Variants in RNF38 observed in about 807,000 individuals in gnomAD.
RNF38 encodes E3 ubiquitin-protein ligase RNF38.
Under a neutral mutation model 67.2 loss-of-function variants are expected in RNF38, and 15 were observed. That is an observed-to-expected ratio of 0.22 (90% CI 0.15 to 0.34). The LOEUF (loss-of-function observed/expected upper bound fraction) is 0.34, where lower values mean the gene tolerates loss of function less well. Ranked by LOEUF, RNF38 falls within the 10% of genes least tolerant of loss-of-function variation. RNF38 has a pLI of 1.00. For synonymous variants in RNF38, 220 were observed against 218.8 expected (o/e 1.01, Z -0.05); for missense variants, 524 against 639.9 (o/e 0.82, Z 1.95).
intron 1 of RNF38, among the ~76,000 whole-genome samples, chr9:36,456,042 C>T (rs1839588091): frequency 6.6e-6 from 1 of 152,122 alleles, no homozygotes; most frequent in African/African-American, 2.4e-5. Flanking sequence ...GAAGTTCCAC[C>T]TGGATGAATT....
chr9:36,383,305 G>A (rs1167116293), intron 2 of RNF38, among the ~76,000 whole-genome samples: 3 of 152,126 alleles, frequency 2.0e-5, no homozygotes, highest in South Asian at 2.1e-4. Flanking sequence ...GGGTTTAGGC[G>A]ATTCTCCTGC....
Position 36,369,721 on chromosome 9 carries a change from G to C in RNF38, c.568C>G (p.Gln190Glu). ...TCCAAGACATTCTGTTATTGTACCT[G>C]ATCATGTATGTCAACCATGACTGCA... ...QNAVMVDIHD[Q>E]LHQGTVPVSY... Residue 190 changes from glutamine (Q) to glutamate (E), a missense_variant and splice_region_variant, in exon 4 of 12, where the codon CAG becomes GAG. Around this residue, in one of 2 missense-constraint regions of RNF38, gnomAD observed 461 missense variants for 517.4 expected, o/e 0.89. Coordinates refer to ENST00000259605, the MANE Select transcript of RNF38 (RefSeq NM_022781.5). 6.2e-7 allele frequency: 1 copy of C among 1,606,218 alleles called. No homozygotes were observed. The highest frequency in any genetic ancestry group is 8.5e-7 in the Non-Finnish European group (1 of 1,175,216).
chr9:36,473,369 C>T (rs570661718), intron 1 of RNF38, among the ~76,000 whole-genome samples: 1 of 152,166 alleles, frequency 6.6e-6, no homozygotes, highest in African/African-American at 2.4e-5. Context: ...AGGCGGATCA[C>T]CTGAGGTCAG....
At chr9:36,370,769 G>A (rs536268699) in intron 3 of RNF38, among the ~76,000 whole-genome samples, 4 of 152,016 alleles carry the variant, frequency 2.6e-5, no homozygotes, top group East Asian at 3.9e-4. Flanking sequence ...TTAGCCGGGC[G>A]TGGTGGTGTG....
rs370945086 is a variant in RNF38 at position 36,391,751 on chromosome 9, C to T, written c.13-1135G>A. Among the ~76,000 whole-genome samples the T allele has an allele frequency of 7.6e-4, 115 of 151,818 alleles. 2 individuals are homozygous for T. In the South Asian group the frequency reaches 0.022, roughly 29 times the overall value. On this transcript the variant is annotated intron_variant, in intron 1 of 11. Transcript: ENST00000259605. Reference sequence around the variant, plus strand: ...GCCTCAGCCTGCAGAGTAGCTGGGACTACAGGCGCCCGCCACCCCGCCTGG... The same window carrying T: ...GCCTCAGCCTGCAGAGTAGCTGGGATTACAGGCGCCCGCCACCCCGCCTGG...
chr9:36,356,440 C>G lies in RNF38; in HGVS notation c.772G>C (p.Val258Leu). The change falls in exon 6 of 12, where the codon GTA (valine) becomes CTA (leucine). Residue 258 changes from valine (V) to leucine (L), a missense_variant. Transcript: ENST00000259605. ...AGGGGTGGGAATGCAGCATATGGTA[C>G]TGGTAAGTGCTGAACTGAACATGCC... ...LQACSVQHLPVPYAAFPPLIS... is the reference protein window; with the variant it reads ...LQACSVQHLPLPYAAFPPLIS... 1 of 1,612,408 alleles carries G rather than the reference C, an allele frequency of 6.2e-7. No individual in the cohort carries two copies. Among genetic ancestry groups the G allele is most frequent in the Admixed American group, 1.7e-5 (1 of 59,858 alleles).
chr9:36,421,427 G>C (rs966809037), intron 2 of RNF38, among the ~76,000 whole-genome samples: 1 of 152,082 alleles, frequency 6.6e-6, no homozygotes, highest in African/African-American at 2.4e-5. Flanking sequence ...ACTTTGGGAG[G>C]CTGAGGTGGG....
At chr9:36,427,320 C>G (rs903576867) in intron 1 of RNF38, among the ~76,000 whole-genome samples, 1 of 152,176 alleles carries the variant, frequency 6.6e-6, no homozygotes, top group African/African-American at 2.4e-5. Flanking sequence ...CTTTCCTAGT[C>G]TACACTTCCA....
intron 7 of RNF38, 92 bp from the exon 8 acceptor site, chr9:36,352,940 G>GTA (rs1170714424): frequency 1.0e-6 from 1 of 957,362 alleles, no homozygotes; most frequent in African/African-American, 1.7e-5. Flanking sequence ...GACTTAAACA[G>GTA]TAAAGTTCTT....
intron 1 of RNF38, among the ~76,000 whole-genome samples, chr9:36,444,800 T>A (rs1255683828): frequency 1.3e-5 from 2 of 151,754 alleles, no homozygotes; most frequent in Non-Finnish European, 2.9e-5. Context: ...AAACCCTGTC[T>A]CAAAAAAAGA....
At chr9:36,481,462 A>C (rs530948527) in intron 1 of RNF38, among the ~76,000 whole-genome samples, 3 of 152,338 alleles carry the variant, frequency 2.0e-5, no homozygotes, top group African/African-American at 7.2e-5. Flanking sequence ...CAGGAAAAAA[A>C]CTGAAACCAG....
intron 1 of RNF38, among the ~76,000 whole-genome samples, chr9:36,443,837 T>C (rs1019722827): frequency 3.9e-5 from 6 of 152,040 alleles, no homozygotes; most frequent in African/African-American, 2.4e-5. Flanking sequence ...GATAAGAACA[T>C]GGTGAATATA....
chr9:36,380,268 C>T (rs550623139), intron 2 of RNF38, among the ~76,000 whole-genome samples: 3 of 152,202 alleles, frequency 2.0e-5, no homozygotes, highest in Non-Finnish European at 4.4e-5. Flanking sequence ...GGCAGGATCT[C>T]GGCTCACTGC....
intron 2 of RNF38, among the ~76,000 whole-genome samples, chr9:36,387,331 A>G (rs1161453938): frequency 4.6e-5 from 7 of 152,224 alleles, no homozygotes; most frequent in Admixed American, 2.0e-4. Flanking sequence ...CAAATTTACA[A>G]AATAAAAGCT....
chr9:36,435,993 G>A (rs546509293), intron 1 of RNF38, among the ~76,000 whole-genome samples: 1 of 152,220 alleles, frequency 6.6e-6, no homozygotes, highest in East Asian at 1.9e-4. Flanking sequence ...TTGTATCCAT[G>A]AGAACCTATA....
intron 1 of RNF38, among the ~76,000 whole-genome samples, chr9:36,464,098 A>G (rs914020800): frequency 6.6e-6 from 1 of 151,940 alleles, no homozygotes; most frequent in Admixed American, 6.6e-5. Context: ...CGGGAGGTGG[A>G]GATTGCAGTG....
chr9:36,382,853 T>C (rs1836310771), intron 2 of RNF38, among the ~76,000 whole-genome samples: 1 of 152,232 alleles, frequency 6.6e-6, no homozygotes, highest in Non-Finnish European at 1.5e-5. Context: ...CTTTCTCTAC[T>C]TGCCTTAATT....
In RNF38 at chr9:36,472,508, C is replaced by T. The variant is rs367940938; in HGVS notation, n.241+14800G>A. Among the ~76,000 whole-genome samples the T allele has an allele frequency of 7.5e-4, 114 of 152,302 alleles. 2 individuals carry two copies. In the South Asian group the frequency reaches 0.022, roughly 30 times the overall value. ...CCAGAGAAGACAAAAGATTGGACATCCCTGGCCAGCAGTTAGCAGCACTCA... is the reference window on the plus strand; with the variant it reads ...CCAGAGAAGACAAAAGATTGGACATTCCTGGCCAGCAGTTAGCAGCACTCA... On this transcript the variant is annotated intron_variant and non_coding_transcript_variant, in intron 1 of 3. Transcript: ENST00000488058.
chr9:36,418,885 C>T (rs1267883690), intron 2 of RNF38, among the ~76,000 whole-genome samples: 1 of 152,086 alleles, frequency 6.6e-6, no homozygotes, highest in Non-Finnish European at 1.5e-5. Context: ...ATTGCTTGAA[C>T]CCTGGCAGTG....
Sources: gnomAD v4.1 joint callset for allele counts (sites outside exome capture counted in the v4.1 genomes callset) on GRCh38, gnomAD v4.1.1 for gene constraint, gnomAD v4.1.1 regional missense constraint, MANE v1.5 for transcripts, NCBI Gene and HGNC (gene_info 2026-07-23, HGNC 2026-07-21) for gene names.